Variants in GALE observed in about 807,000 individuals in gnomAD.
GALE encodes the protein UDP-galactose-4-epimerase.
GALE carries 32 observed loss-of-function variants against 44.1 expected under a neutral mutation model. That is an observed-to-expected ratio of 0.73 (90% CI 0.55 to 0.97). GALE has a LOEUF of 0.97. Among genes scored for constraint, GALE ranks in the 50% least tolerant of loss-of-function variants. The pLI is 0.00. For synonymous variants in GALE, 182 were observed against 183.5 expected, an observed-to-expected ratio of 0.99 and a Z score of 0.06; for missense variants, 423 against 455.6, an observed-to-expected ratio of 0.93 and a Z score of 0.65.
rs766058013 is a variant in GALE at position 23,798,808 on chromosome 1, C to T, written c.122-78G>A. ...AGGGACTAGCCAGACACACATTCCC[C>T]GCCCGGTGGTGGAGGTGGAACCCAG... On this transcript the variant is annotated intron_variant, in intron 3 of 11. Coordinates refer to ENST00000617979, the MANE Select transcript of GALE (RefSeq NM_001008216.2). The surrounding 1 kb of genome is among the most constrained non-coding windows in gnomAD (Gnocchi z 4.5). 8.1e-5 allele frequency: 130 copies of T among 1,611,482 alleles called. No individual in the cohort carries two copies. Among genetic ancestry groups the T allele is most frequent in the Middle Eastern group, 1.6e-4 (1 of 6,078 alleles).
In GALE at chr1:23,795,819, C is replaced by A; in HGVS notation, c.*130G>T. Reference sequence around the variant, plus strand: ...TTGGCCTCATGCCTGGTGGGCTAAGCGGGCCCAGCTGGGGTTTGAGGTAGG... The same window carrying A: ...TTGGCCTCATGCCTGGTGGGCTAAGAGGGCCCAGCTGGGGTTTGAGGTAGG... On this transcript the variant is annotated 3_prime_UTR_variant, in exon 12 of 12. Transcript: ENST00000617979. 1 of 875,954 alleles carries A rather than the reference C, an allele frequency of 1.1e-6. No individual in the cohort carries two copies. Among genetic ancestry groups the A allele is most frequent in the South Asian group, 1.4e-5 (1 of 69,746 alleles). The allele number at this position is 875,954 out of a possible 1,614,324, so 54.3% of individuals were successfully genotyped here. A position where few individuals can be genotyped will look rare whatever the true frequency, so the allele number is the denominator to read the frequency against.
intron 6 of GALE, 118 bp downstream of exon 6, chr1:23,797,577 G>A (rs1425487398): frequency 3.0e-6 from 3 of 1,000,224 alleles, no homozygotes; most frequent in Middle Eastern, 3.0e-4. Flanking sequence ...CACTGCAACT[G>A]CCTGAGCCTT....
intron 6 of GALE, among the ~76,000 whole-genome samples, chr1:23,797,424 T>C (rs542232365): frequency 6.6e-6 from 1 of 152,312 alleles, no homozygotes; most frequent in East Asian, 1.9e-4. Flanking sequence ...TTTACCATGT[T>C]GTCCAGGCTG....
chr1:23,799,429 GGA>G lies in GALE; in HGVS notation c.-71_-70del. The G allele has an allele frequency of 3.0e-6, 1 of 331,066 alleles. No individual in the cohort carries two copies. Among genetic ancestry groups the G allele is most frequent in the South Asian group, 2.5e-5 (1 of 40,420 alleles). The allele number at this position is 331,066 out of a possible 1,614,324, so 20.5% of individuals were successfully genotyped here. The stretch of plus-strand genomic sequence containing the variant: ...TCTTTGTCCAAGGTGACTGAGGACT[GGA>G]GAGTCCTGGGCAGAAGGAAAATGGC... On this transcript the variant is annotated 5_prime_UTR_variant, in exon 2 of 12. Transcript: ENST00000617979.
In GALE at chr1:23,798,161, C is replaced by A. The variant is rs542486536; in HGVS notation, c.307G>T (p.Asp103Tyr). 63 of 1,614,018 alleles carry A rather than the reference C, an allele frequency of 3.9e-5. No individual in the cohort carries two copies. In the Middle Eastern group the frequency reaches 1.2e-3, roughly 29 times the overall value. Residue 103 changes from aspartate to tyrosine, a missense_variant, in exon 5 of 12, where the codon GAT (aspartate) becomes TAT (tyrosine). Coordinates refer to ENST00000617979, the MANE Select transcript of GALE (RefSeq NM_001008216.2). The surrounding 1 kb of genome is among the most constrained non-coding windows in gnomAD (Gnocchi z 4.5). ...AVGESVQKPL[D>Y]YYRVNLTGTI... ...CCGGTCAGGTTAACTCTGTAATAAT[C>A]CAGAGGCTTCTGCACCGACTCGCCC...
At position 23,798,506 on chromosome 1, in the gene GALE, G is replaced by A. The variant is rs1172536920; in HGVS notation, c.237+109C>T. 1.2e-6 allele frequency: 1 copy of A among 821,026 alleles called. No individual in the cohort carries two copies. Among genetic ancestry groups the A allele is most frequent in the African/African-American group, 1.7e-5 (1 of 59,538 alleles). The allele number at this position is 821,026 out of a possible 1,614,324, so 50.9% of individuals were successfully genotyped here. On this transcript the variant is annotated intron_variant, in intron 4 of 11. Transcript: ENST00000617979. The surrounding 1 kb of genome is among the most constrained non-coding windows in gnomAD (Gnocchi z 4.5). Reference sequence around the variant, plus strand: ...TTTTCTGTAGAGATGGGGTTTCACTGTGTTGAGCAGGCTGGTCTTGAACAC... The same window carrying A: ...TTTTCTGTAGAGATGGGGTTTCACTATGTTGAGCAGGCTGGTCTTGAACAC...
chr1:23,795,801 C>G lies in GALE; in HGVS notation c.*148G>C, dbSNP rs1031283189. On this transcript the variant is annotated 3_prime_UTR_variant, in exon 12 of 12. Coordinates refer to ENST00000617979, the MANE Select transcript of GALE (RefSeq NM_001008216.2). The stretch of plus-strand genomic sequence containing the variant: ...TCCTGGTCAGTGGAGCCCTTGGCCT[C>G]ATGCCTGGTGGGCTAAGCGGGCCCA... 1.3e-6 allele frequency: 1 copy of G among 751,622 alleles called. No individual in the cohort carries two copies. The highest frequency in any genetic ancestry group is 2.7e-5 in the East Asian group (1 of 37,480). 46.6% of individuals were successfully genotyped at this position (751,622 alleles called of 1,614,324 possible).
rs1638932811 is a variant in GALE, at chr1:23,795,972, A to G, written c.1024T>C (p.Ser342Pro). 1 of 1,613,902 alleles carries G rather than the reference A, an allele frequency of 6.2e-7. No individual in the cohort carries two copies. Among genetic ancestry groups the G allele is most frequent in the South Asian group, 1.1e-5 (1 of 91,060 alleles). ...DLWRWQKQNP[S>P]GFGTQA is the part of the protein sequence containing the mutation. ...CCTCAGGCTTGCGTGCCAAAGCCTGAAGGATTCTGCTTCTGCCAGCGCCAG... is the reference window on the plus strand; with the variant it reads ...CCTCAGGCTTGCGTGCCAAAGCCTGGAGGATTCTGCTTCTGCCAGCGCCAG... The change falls in exon 12 of 12, where the codon TCA (serine) becomes CCA (proline). Residue 342 changes from serine (S) to proline (P), a missense_variant. By Grantham distance (74) the Ser-to-Pro change is moderately conservative (BLOSUM62 -1). Transcript: ENST00000617979.
At position 23,798,180 on chromosome 1, in the gene GALE, C is replaced by T. The variant is rs968880726; in HGVS notation, c.288G>A (p.Glu96=). ...IHFAGLKAVG[E]SVQKPLDYYR... ...AATAATCCAGAGGCTTCTGCACCGA[C>T]TCGCCCACGGCCTTGAGCCCCGCAA... The change falls in exon 5 of 12, where the codon GAG becomes GAA. Residue 96 remains glutamate, a synonymous_variant. Coordinates refer to ENST00000617979, the MANE Select transcript of GALE (RefSeq NM_001008216.2). This position sits in a 1 kb window ranked among gnomAD's most constrained non-coding sequence, Gnocchi z 4.5. The T allele has an allele frequency of 6.8e-6, 11 of 1,614,024 alleles. No homozygotes were observed. The highest frequency in any genetic ancestry group is 1.3e-5 in the African/African-American group (1 of 74,934).
chr1:23,796,100 TG>T lies in GALE; in HGVS notation c.988+50del. On this transcript the variant is annotated intron_variant, in intron 11 of 11. Transcript: ENST00000617979. The surrounding 1 kb of genome is among the most constrained non-coding windows in gnomAD (Gnocchi z 5.2). ...CGCCCTGGGTGGGCATGCCCAGATCTGATTTAGCCCCTCCCTGGCCCCTAAC... is the reference window on the plus strand; with the variant it reads ...CGCCCTGGGTGGGCATGCCCAGATCTATTTAGCCCCTCCCTGGCCCCTAAC... The T allele has an allele frequency of 6.2e-7, 1 of 1,601,462 alleles. No individual in the cohort carries two copies. Among genetic ancestry groups the T allele is most frequent in the African/African-American group, 1.3e-5 (1 of 74,766 alleles).
At position 23,796,562 on chromosome 1, in the gene GALE, C is replaced by G. The variant is rs370835402; in HGVS notation, c.820G>C (p.Gly274Arg). Reference sequence around the variant, plus strand: ...TGGACCATCTGCAGCACTGAATAGCCTGTGCCCGTGCCCAGGTTGTAGATC... The same window carrying G: ...TGGACCATCTGCAGCACTGAATAGCGTGTGCCCGTGCCCAGGTTGTAGATC... ...CRIYNLGTGTGYSVLQMVQAM... is the reference protein window; with the variant it reads ...CRIYNLGTGTRYSVLQMVQAM... The change falls in exon 10 of 12, where the codon GGC (glycine) becomes CGC (arginine). Residue 274 changes from glycine (G) to arginine (R), a missense_variant. Transcript: ENST00000617979. This position sits in a 1 kb window ranked among gnomAD's most constrained non-coding sequence, Gnocchi z 5.2. The G allele has an allele frequency of 1.2e-6, 2 of 1,614,116 alleles. No individual in the cohort carries two copies. Among genetic ancestry groups the G allele is most frequent in the Non-Finnish European group, 8.5e-7 (1 of 1,180,032 alleles).
intron 2 of GALE, 114 bp downstream of exon 2, chr1:23,799,252 T>C (rs942308743): frequency 2.3e-5 from 13 of 562,608 alleles, no homozygotes; most frequent in African/African-American, 2.3e-4. Flanking sequence ...GAGCTAATAA[T>C]TGTATAAACT....
At position 23,796,967 on chromosome 1, in the gene GALE, C is replaced by G. The variant is rs560683244; in HGVS notation, c.643-25G>C. 6.2e-7 allele frequency: 1 copy of G among 1,610,688 alleles called. No individual in the cohort carries two copies. The highest frequency in any genetic ancestry group is 8.5e-7 in the Non-Finnish European group (1 of 1,178,298). ...CCTGGAGGTGGAGATCAGGTCAGTTCGTCCCAGATCCCAGGCACCAGCTTT... is the reference window on the plus strand; with the variant it reads ...CCTGGAGGTGGAGATCAGGTCAGTTGGTCCCAGATCCCAGGCACCAGCTTT... On this transcript the variant is annotated intron_variant, in intron 7 of 11. Transcript: ENST00000617979. This position sits in a 1 kb window ranked among gnomAD's most constrained non-coding sequence, Gnocchi z 5.2.
chr1:23,796,944 T>C lies in GALE; in HGVS notation c.643-2A>G. 6.2e-7 allele frequency: 1 copy of C among 1,613,142 alleles called. No individual in the cohort carries two copies. Among genetic ancestry groups the C allele is most frequent in the South Asian group, 1.1e-5 (1 of 90,790 alleles). On this transcript the variant is annotated splice_acceptor_variant, in intron 7 of 11. Coordinates refer to ENST00000617979, the MANE Select transcript of GALE (RefSeq NM_001008216.2). LOFTEE classifies it high-confidence loss of function. This position sits in a 1 kb window ranked among gnomAD's most constrained non-coding sequence, Gnocchi z 5.2. The stretch of plus-strand genomic sequence containing the variant: ...GGCCTCCCGTCGCCCGATCGCCACC[T>C]GGAGGTGGAGATCAGGTCAGTTCGT...
chr1:23,800,238 A>C (rs914036683), intron 1 of GALE: 3 of 144,644 alleles, frequency 2.1e-5, no homozygotes, highest in Non-Finnish European at 4.6e-5. Flanking sequence ...CCCTTCCCCC[A>C]CCGCTGCCCG....
chr1:23,797,603 G>T, intron 6 of GALE, 92 bp downstream of exon 6: 1 of 1,212,688 alleles, frequency 8.2e-7, no homozygotes, highest in Non-Finnish European at 1.2e-6. Flanking sequence ...CCTCCTTAGT[G>T]GGGGTGTTCG....
In GALE at chr1:23,797,804, TG is replaced by T. The variant is rs1472340093; in HGVS notation, c.418del (p.Gln140SerfsTer28). Reference protein sequence around the residue: ...SSSATVYGNPQYLPLDEAHPT... With the variant: ...SSSATVYGNPXYLPLDEAHPT... The stretch of plus-strand genomic sequence containing the variant: ...GTGGGCCTCATCAAGGGGCAGGTAC[TG>T]GGGGTTCCCGTACACAGTGGCTGAG... On this transcript the variant is annotated frameshift_variant, in exon 6 of 12. Coordinates refer to ENST00000617979, the MANE Select transcript of GALE (RefSeq NM_001008216.2). LOFTEE classifies it high-confidence loss of function. The T allele has an allele frequency of 6.2e-7, 1 of 1,614,096 alleles. No homozygotes were observed. Among genetic ancestry groups the T allele is most frequent in the Non-Finnish European group, 8.5e-7 (1 of 1,179,916 alleles).
Position 23,796,209 on chromosome 1 carries a change from G to C in GALE, c.930C>G (p.Asn310Lys). 6.2e-7 allele frequency: 1 copy of C among 1,614,148 alleles called. No homozygotes were observed. The highest frequency in any genetic ancestry group is 8.5e-7 in the Non-Finnish European group (1 of 1,180,016). The stretch of plus-strand genomic sequence containing the variant: ...CCAGCTCCTCTTGGGCCAGGCTGGG[G>C]TTGGCGTAACAGGCTGCCACATCAC... ...REGDVAACYA[N>K]PSLAQEELGW... The change falls in exon 11 of 12, where the codon AAC becomes AAG. Residue 310 changes from asparagine to lysine, a missense_variant. Asn to Lys is a moderately conservative substitution (Grantham distance 94). Transcript: ENST00000617979. This position sits in a 1 kb window ranked among gnomAD's most constrained non-coding sequence, Gnocchi z 5.2.
intron 6 of GALE, 111 bp downstream of exon 6, chr1:23,797,584 C>T: frequency 9.4e-7 from 1 of 1,067,348 alleles, no homozygotes; most frequent in South Asian, 1.3e-5. Context: ...ACTGCCTGAG[C>T]CTTAGCTTCC....
Sources: gnomAD v4.1 joint callset for allele counts (sites outside exome capture counted in the v4.1 genomes callset) on GRCh38, gnomAD v4.1.1 for gene constraint, Gnocchi (gnomAD v3.1) non-coding constraint, MANE v1.5 for transcripts, NCBI Gene and HGNC (gene_info 2026-07-23, HGNC 2026-07-21) for gene names.